MIOS: variants seen among roughly 807,000 people sequenced by gnomAD.
The protein encoded by MIOS is GATOR2 complex protein MIOS.
A neutral mutation model predicts 96.9 loss-of-function variants in MIOS; 52 were observed. The observed-to-expected ratio is 0.54, with a 90% confidence interval of 0.43 to 0.68. The LOEUF (loss-of-function observed/expected upper bound fraction) is 0.68. Among genes scored for constraint, MIOS ranks in the 30% least tolerant of loss-of-function variants. MIOS has a pLI of 0.00. For synonymous variants in MIOS, 397 were observed against 359.5 expected, an observed-to-expected ratio of 1.10 and a Z score of -1.18; for missense variants, 1,005 against 1,052.8, an observed-to-expected ratio of 0.95 and a Z score of 0.63.
intron 11 of MIOS, among the ~76,000 whole-genome samples, chr7:7,597,146 G>T (rs530234349): frequency 6.6e-6 from 1 of 152,040 alleles, no homozygotes; most frequent in East Asian, 1.9e-4. Flanking sequence ...CAAACATCGT[G>T]AAACCTCGTC....
chr7:7,601,693 A>G (rs1480368321), intron 11 of MIOS, among the ~76,000 whole-genome samples: 3 of 152,246 alleles, frequency 2.0e-5, no homozygotes, highest in African/African-American at 7.2e-5. Context: ...ATCAATAGAA[A>G]AAGAGGGAAT....
chr7:7,572,865 T>TAA lies in MIOS; in HGVS notation c.390_391insAA (p.Ala131LysfsTer4). Reference sequence around the variant, plus strand: ...ATCCACTGGATAGTAACTGGCTAGCTGCTGGTTTAGATAAGCACAGAGCTG... The same window carrying TAA: ...ATCCACTGGATAGTAACTGGCTAGCTAAGCTGGTTTAGATAAGCACAGAGCTG... On this transcript the variant is annotated frameshift_variant, in exon 4 of 13. Coordinates refer to ENST00000340080, the MANE Select transcript of MIOS (RefSeq NM_019005.4). LOFTEE classifies it high-confidence loss of function. This position sits in a 1 kb window ranked among gnomAD's most constrained non-coding sequence, Gnocchi z 4.8. 1 of 1,614,178 alleles carries TAA rather than the reference T, an allele frequency of 6.2e-7. No individual in the cohort carries two copies. The highest frequency in any genetic ancestry group is 8.5e-7 in the Non-Finnish European group (1 of 1,180,004).
chr7:7,600,495 T>A (rs1379441659), intron 11 of MIOS, among the ~76,000 whole-genome samples: 1 of 152,088 alleles, frequency 6.6e-6, no homozygotes, highest in Non-Finnish European at 1.5e-5. Context: ...GGTAAAGGGA[T>A]CAGTTCAACA....
intron 11 of MIOS, 165 bp from the exon 12 acceptor site, chr7:7,605,777 G>C: frequency 1.8e-6 from 1 of 554,632 alleles, no homozygotes; most frequent in South Asian, 3.7e-5. Context: ...GGGAGCTTCT[G>C]TCATTCAGTT....
intron 6 of MIOS, among the ~76,000 whole-genome samples, chr7:7,585,412 C>T (rs1353826179): frequency 6.9e-6 from 1 of 144,762 alleles, no homozygotes; most frequent in Non-Finnish European, 1.5e-5. Flanking sequence ...ACCCAAACCC[C>T]CCCCTTTTTT....
intron 11 of MIOS, among the ~76,000 whole-genome samples, chr7:7,602,191 C>G (rs988785746): frequency 1.3e-5 from 2 of 152,166 alleles, no homozygotes; most frequent in Non-Finnish European, 2.9e-5. Context: ...TCTCACCACT[C>G]CTATTCAACA....
At position 7,597,517 on chromosome 7, in the gene MIOS, T is replaced by TATATATATATATATATAAAAAA. The variant is rs372634070; in HGVS notation, c.2401+1056_2401+1057insATATATATATATATATAAAAAA. On this transcript the variant is annotated intron_variant, in intron 11 of 12. Transcript: ENST00000340080. ...ATATATATATATATATATATATATA[T>TATATATATATATATATAAAAAA]GAAGGCAATACGTAATGTTTTAAAT... 1.1e-3 allele frequency among the ~76,000 whole-genome samples: 78 copies of TATATATATATATATATAAAAAA among 70,436 alleles called. 14 individuals are homozygous for TATATATATATATATATAAAAAA. Among genetic ancestry groups the TATATATATATATATATAAAAAA allele is most frequent in the East Asian group, 2.7e-3 (5 of 1,848 alleles). 46.2% of individuals were successfully genotyped at this position (70,436 alleles called of 152,430 possible).
chr7:7,585,831 T>G, intron 7 of MIOS, 26 bp downstream of exon 7: 1 of 1,565,684 alleles, frequency 6.4e-7, no homozygotes. Context: ...TTTTAAGATC[T>G]TCCTTTGAAT....
At chr7:7,591,095 C>T (rs898357177) in intron 9 of MIOS, among the ~76,000 whole-genome samples, 1 of 152,054 alleles carries the variant, frequency 6.6e-6, no homozygotes, top group South Asian at 2.1e-4. Flanking sequence ...TTCTTTTTCC[C>T]TTCTGTAAAT....
Position 7,591,572 on chromosome 7 carries a change from G to A in MIOS, c.2043+2009G>A, listed in dbSNP as rs148479395. ...TAGGATTACAGGCATGAGCCACCAC[G>A]CCCAGCCTAAATTCTGATTTTTAAT... is the stretch of plus-strand genomic sequence containing the variant. On this transcript the variant is annotated intron_variant, in intron 9 of 12. Coordinates refer to ENST00000340080, the MANE Select transcript of MIOS (RefSeq NM_019005.4). Among the ~76,000 whole-genome samples, 657 of 152,020 alleles carry A rather than the reference G, an allele frequency of 4.3e-3. 2 individuals carry two copies. Among genetic ancestry groups the A allele is most frequent in the African/African-American group, 0.015 (613 of 41,484 alleles).
rs192162270 is a variant in MIOS at position 7,582,654 on chromosome 7, A to T, written c.1394-464A>T. On this transcript the variant is annotated intron_variant, in intron 5 of 12. Transcript: ENST00000340080. ...GAGAAAGAAGGAAGAAAGCAAGATCACTTCTACTGGATTTCAGACAGTAGG... is the reference window on the plus strand; with the variant it reads ...GAGAAAGAAGGAAGAAAGCAAGATCTCTTCTACTGGATTTCAGACAGTAGG... The T allele has an allele frequency of 2.9e-5, 28 of 976,866 alleles. No individual in the cohort carries two copies. In the African/African-American group the frequency reaches 4.2e-4, roughly 15 times the overall value. The allele number at this position is 976,866 out of a possible 1,614,324, so 60.5% of individuals were successfully genotyped here.
At chr7:7,583,902 T>C (rs1783805756) in intron 6 of MIOS, among the ~76,000 whole-genome samples, 1 of 152,122 alleles carries the variant, frequency 6.6e-6, no homozygotes, top group South Asian at 2.1e-4. Flanking sequence ...TTTCATTTAG[T>C]ATTTTTTAAA....
chr7:7,579,370 C>T (rs937007254), intron 5 of MIOS, among the ~76,000 whole-genome samples: 4 of 152,212 alleles, frequency 2.6e-5, no homozygotes, highest in African/African-American at 9.6e-5. Context: ...GCAGTGACCT[C>T]TTTGAATTCA....
intron 3 of MIOS, among the ~76,000 whole-genome samples, chr7:7,569,795 G>A (rs1228999888): frequency 6.6e-6 from 1 of 152,198 alleles, no homozygotes; most frequent in Non-Finnish European, 1.5e-5. Context: ...GGTTGAGCAG[G>A]TATTAACTTG....
chr7:7,574,529 T>G (rs1783464941), intron 5 of MIOS, among the ~76,000 whole-genome samples: 1 of 152,160 alleles, frequency 6.6e-6, no homozygotes, highest in Non-Finnish European at 1.5e-5. Flanking sequence ...GTTCAGGTTT[T>G]ATCGCAACAT....
Position 7,608,500 on chromosome 7 carries a change from TA to T in MIOS, c.*1409del, listed in dbSNP as rs1416948676. On this transcript the variant is annotated 3_prime_UTR_variant, in exon 13 of 13. Coordinates refer to ENST00000340080, the MANE Select transcript of MIOS (RefSeq NM_019005.4). ...CTAGGAAAACATTGGAAGTAGTACATATTTACTCTAAATGTCTCACCTGCAT... is the reference window on the plus strand; with the variant it reads ...CTAGGAAAACATTGGAAGTAGTACATTTTACTCTAAATGTCTCACCTGCAT... 6.6e-6 allele frequency: 1 copy of T among 152,080 alleles called. No homozygotes were observed. The highest frequency in any genetic ancestry group is 2.4e-5 in the African/African-American group (1 of 41,454). 9.4% of individuals were successfully genotyped at this position (152,080 alleles called of 1,614,324 possible). A position where few individuals can be genotyped will look rare whatever the true frequency, so the allele number is the denominator to read the frequency against.
chr7:7,606,482 G>C (rs1784534400), intron 12 of MIOS, among the ~76,000 whole-genome samples: 1 of 152,126 alleles, frequency 6.6e-6, no homozygotes, highest in African/African-American at 2.4e-5. Context: ...ACGCAATTAA[G>C]ACTGTCAAGA....
At chr7:7,592,681 A>G (rs1784082380) in intron 9 of MIOS, among the ~76,000 whole-genome samples, 1 of 152,080 alleles carries the variant, frequency 6.6e-6, no homozygotes, top group South Asian at 2.1e-4. Flanking sequence ...TATGCAGCCT[A>G]GATCCCTCAC....
At chr7:7,588,804 G>A (rs1187421524) in intron 8 of MIOS, among the ~76,000 whole-genome samples, 2 of 152,072 alleles carry the variant, frequency 1.3e-5, no homozygotes, top group South Asian at 2.1e-4. Flanking sequence ...TAGTTAGTAG[G>A]TAAAGATGTT....
Sources: gnomAD v4.1 joint callset for allele counts (sites outside exome capture counted in the v4.1 genomes callset) on GRCh38, gnomAD v4.1.1 for gene constraint, Gnocchi (gnomAD v3.1) non-coding constraint, MANE v1.5 for transcripts, NCBI Gene and HGNC (gene_info 2026-07-23, HGNC 2026-07-21) for gene names.